FAM227B: variants seen among roughly 807,000 people sequenced by gnomAD.
FAM227B encodes family with sequence similarity 227 member B, also known as protein FAM227B.
In FAM227B, 88 loss-of-function variants were observed where a neutral mutation model predicts 73.8. The observed-to-expected ratio is 1.19, with a 90% CI of 1.00 to 1.42. The LOEUF is 1.42. FAM227B is among the 40% of genes most tolerant of loss of function. FAM227B has a pLI of 0.00. For missense variants in FAM227B, 632 were observed against 590.9 expected, an observed-to-expected ratio of 1.07 and a Z score of -0.72; for synonymous variants, 210 against 190.5, an observed-to-expected ratio of 1.10 and a Z score of -0.84.
chr15:49,592,845 C>G, intron 3 of FAM227B, among the ~76,000 whole-genome samples: 1 of 152,198 alleles, frequency 6.6e-6, no homozygotes, highest in East Asian at 1.9e-4. Context: ...TGGGCTCCAC[C>G]CAGTTCAAGC....
intron 13 of FAM227B, chr15:49,366,725 A>C: frequency 8.9e-7 from 1 of 1,122,312 alleles, no homozygotes; most frequent in Non-Finnish European, 1.3e-6. Flanking sequence ...GGCGCGGCTC[A>C]CTAGGTGGGG....
intron 13 of FAM227B, among the ~76,000 whole-genome samples, chr15:49,358,774 C>T (rs1385298651): frequency 3.9e-5 from 6 of 152,022 alleles, no homozygotes; most frequent in Non-Finnish European, 7.4e-5. Flanking sequence ...GAGCCTGCAT[C>T]GCCAAGTCAA....
chr15:49,578,162 G>T (rs1253249809), intron 5 of FAM227B, among the ~76,000 whole-genome samples: 2 of 152,182 alleles, frequency 1.3e-5, no homozygotes, highest in Admixed American at 6.5e-5. Context: ...TCCTGCATTG[G>T]ACTGAAATAG....
At chr15:49,361,018 G>A (rs2044130951) in intron 13 of FAM227B, among the ~76,000 whole-genome samples, 1 of 152,056 alleles carries the variant, frequency 6.6e-6, no homozygotes, top group Admixed American at 6.6e-5. Flanking sequence ...AATATTACCT[G>A]TGGGGTTGCG....
chr15:49,327,779 C>G lies in FAM227B; in HGVS notation c.*789G>C. The G allele has an allele frequency of 1.9e-6, 1 of 531,730 alleles. No homozygotes were observed. The highest frequency in any genetic ancestry group is 3.1e-6 in the Non-Finnish European group (1 of 320,910). The allele number at this position is 531,730 out of a possible 1,614,324, so 32.9% of individuals were successfully genotyped here. A position where few individuals can be genotyped will look rare whatever the true frequency, so the allele number is the denominator to read the frequency against. ...TAGATACAATGAAAAAATTCCAAAT[C>G]ACTCTCTGAAACAGTATAAATGTCT... is the stretch of plus-strand genomic sequence containing the variant. On this transcript the variant is annotated 3_prime_UTR_variant, in exon 16 of 16. Transcript: ENST00000299338.
intron 11 of FAM227B, among the ~76,000 whole-genome samples, chr15:49,504,008 A>G (rs2058371325): frequency 6.6e-6 from 1 of 152,104 alleles, no homozygotes. Context: ...TCACAATAGC[A>G]AAGACTTGGA....
At chr15:49,610,420 T>TAAAAAAAAAAAAAAAAAAA (rs72044107) in intron 3 of FAM227B, among the ~76,000 whole-genome samples, 1 of 119,608 alleles carries the variant, frequency 8.4e-6, no homozygotes, top group Non-Finnish European at 1.8e-5. Flanking sequence ...ACATTGAAAG[T>TAAAAAAAAAAAAAAAAAAA]AAAAAAAAAA....
intron 9 of FAM227B, among the ~76,000 whole-genome samples, chr15:49,550,753 C>G (rs1456505730): frequency 6.6e-6 from 1 of 151,182 alleles, no homozygotes; most frequent in Non-Finnish European, 1.5e-5. Context: ...TCGTCACTTC[C>G]TAGATGGGAT....
chr15:49,397,365 C>T (rs1325665464), intron 11 of FAM227B, among the ~76,000 whole-genome samples: 1 of 152,152 alleles, frequency 6.6e-6, no homozygotes, highest in Non-Finnish European at 1.5e-5. Context: ...ACCAAATCTA[C>T]GTCTGACTGG....
chr15:49,397,173 C>A (rs2047740349), intron 11 of FAM227B, among the ~76,000 whole-genome samples: 1 of 152,096 alleles, frequency 6.6e-6, no homozygotes, highest in African/African-American at 2.4e-5. Flanking sequence ...GAGCTGAACA[C>A]CAAGGCTTGA....
chr15:49,474,329 C>A (rs1192782313), intron 11 of FAM227B, among the ~76,000 whole-genome samples: 1 of 152,156 alleles, frequency 6.6e-6, no homozygotes, highest in Non-Finnish European at 1.5e-5. Context: ...ATGTCTTCAC[C>A]TCTTTCAAGG....
chr15:49,551,550 T>C (rs11854568), intron 9 of FAM227B, among the ~76,000 whole-genome samples: 38,112 of 152,152 alleles, frequency 0.25, 5,749 homozygotes, highest in Non-Finnish European at 0.35. Flanking sequence ...TTTTCATCCA[T>C]TCAGCCAGTC....
chr15:49,476,343 T>C (rs899035902), intron 11 of FAM227B, among the ~76,000 whole-genome samples: 3 of 151,680 alleles, frequency 2.0e-5, no homozygotes, highest in Admixed American at 6.6e-5. Context: ...AATATCCAGA[T>C]AGGATATCAT....
intron 11 of FAM227B, among the ~76,000 whole-genome samples, chr15:49,427,756 A>C (rs10519224): frequency 0.28 from 42,056 of 151,780 alleles, 7,137 homozygotes; most frequent in Non-Finnish European, 0.38. Context: ...GTAAATATGG[A>C]TTGGAGCTAG....
intron 10 of FAM227B, among the ~76,000 whole-genome samples, chr15:49,538,707 ATTCT>A (rs979792252): frequency 4.0e-5 from 6 of 151,800 alleles, no homozygotes; most frequent in Admixed American, 3.3e-4. Flanking sequence ...GAGTTCACAG[ATTCT>A]TTCTTCTGCT....
intron 15 of FAM227B, chr15:49,329,544 G>A (rs1427083036): frequency 2.0e-6 from 2 of 985,044 alleles, no homozygotes; most frequent in African/African-American, 3.5e-5. Context: ...TTTCTTAAAG[G>A]ATAACAGTCA....
At chr15:49,509,585 A>G (rs940734000) in intron 10 of FAM227B, among the ~76,000 whole-genome samples, 1 of 26,558 alleles carries the variant, frequency 3.8e-5, no homozygotes, top group Non-Finnish European at 8.9e-5. Context: ...TTTCACTGTT[A>G]CTTTTTTTTT....
At position 49,545,993 on chromosome 15, in the gene FAM227B, A is replaced by G. The variant is rs185028794; in HGVS notation, c.748-4187T>C. Reference sequence around the variant, plus strand: ...ATTATTATACTTTAAGTTTTAGGGTACATGTGCACAACGTGCAGGTTTGTT... The same window carrying G: ...ATTATTATACTTTAAGTTTTAGGGTGCATGTGCACAACGTGCAGGTTTGTT... On this transcript the variant is annotated intron_variant, in intron 9 of 15. Transcript: ENST00000299338. Among the ~76,000 whole-genome samples, 1,019 of 150,522 alleles carry G rather than the reference A, an allele frequency of 6.8e-3. 15 individuals carry two copies. The highest frequency in any genetic ancestry group is 0.024 in the African/African-American group (988 of 40,964).
intron 11 of FAM227B, among the ~76,000 whole-genome samples, chr15:49,396,647 T>A (rs1169125014): frequency 2.6e-5 from 4 of 151,922 alleles, no homozygotes; most frequent in Non-Finnish European, 5.9e-5. Flanking sequence ...CAGCTGGAGA[T>A]CTGAGAACGG....
Sources: gnomAD v4.1 joint callset for allele counts (sites outside exome capture counted in the v4.1 genomes callset) on GRCh38, gnomAD v4.1.1 for gene constraint, MANE v1.5 for transcripts, NCBI Gene and HGNC (gene_info 2026-07-23, HGNC 2026-07-21) for gene names.